The following DLG2 variants were observed in gnomAD, a reference collection of about 807,000 sequenced individuals.
DLG2 encodes the protein discs large MAGUK scaffold protein 2.
A neutral mutation model predicts 132.5 loss-of-function variants in DLG2; 45 were observed. The ratio of observed to expected loss-of-function variants is 0.34; its 90% CI spans 0.27 to 0.44. DLG2 has a LOEUF of 0.44. Ranked by LOEUF, DLG2 falls within the 20% of genes least tolerant of loss-of-function variation. The pLI is 1.00. For missense variants in DLG2, 1,045 were observed against 1,196.9 expected (o/e 0.87, Z 1.87); for synonymous variants, 424 against 419.6 (o/e 1.01, Z -0.13).
chr11:84,346,779 T>C (rs962879303), intron 7 of DLG2, among the ~76,000 whole-genome samples: 2 of 152,196 alleles, frequency 1.3e-5, no homozygotes, highest in Non-Finnish European at 2.9e-5. Context: ...GGTTTCACCA[T>C]GTTGGCCAGG....
At chr11:84,670,062 T>A (rs180843536) in intron 6 of DLG2, among the ~76,000 whole-genome samples, 70 of 152,220 alleles carry the variant, frequency 4.6e-4, no homozygotes, top group Admixed American at 3.9e-4. Context: ...AATGTATACA[T>A]AAGGACTGGA....
intron 16 of DLG2, among the ~76,000 whole-genome samples, chr11:83,837,723 C>CAAAAAAAAAAAAAAA (rs386374350): frequency 1.1e-4 from 5 of 45,944 alleles, no homozygotes; most frequent in African/African-American, 1.9e-4. Context: ...ACATAGCAAG[C>CAAAAAAAAAAAAAAA]AAAAAAAAAA....
chr11:84,916,377 A>AAAAAG (rs2092469360), intron 6 of DLG2, among the ~76,000 whole-genome samples: 1 of 148,718 alleles, frequency 6.7e-6, no homozygotes, highest in Non-Finnish European at 1.5e-5. Flanking sequence ...AAAAAAAAAA[A>AAAAAG]AAGAAGCAGT....
At chr11:83,464,391 C>G (rs2090623041) in intron 26 of DLG2, among the ~76,000 whole-genome samples, 2 of 152,214 alleles carry the variant, frequency 1.3e-5, no homozygotes, top group Non-Finnish European at 2.9e-5. Context: ...GCTGACCTAG[C>G]ATTCACTACT....
At chr11:83,721,707 G>C (rs971534091) in intron 18 of DLG2, among the ~76,000 whole-genome samples, 3 of 152,180 alleles carry the variant, frequency 2.0e-5, no homozygotes, top group African/African-American at 7.2e-5. Flanking sequence ...ATGCGACAAC[G>C]AATTATAGAA....
At chr11:84,690,148 GGA>G (rs1474595709) in intron 6 of DLG2, among the ~76,000 whole-genome samples, 1 of 151,830 alleles carries the variant, frequency 6.6e-6, no homozygotes, top group Non-Finnish European at 1.5e-5. Context: ...GATGGGAAAA[GGA>G]GAGATATTGA....
chr11:85,222,607 C>A (rs995261638), intron 4 of DLG2, among the ~76,000 whole-genome samples: 1 of 152,134 alleles, frequency 6.6e-6, no homozygotes, highest in Non-Finnish European at 1.5e-5. Flanking sequence ...TTAATTGGAC[C>A]AAGGTCCACA....
chr11:84,540,909 G>C lies in DLG2; in HGVS notation c.358-6178C>G, dbSNP rs2099367027. 2.6e-5 allele frequency among the ~76,000 whole-genome samples: 4 copies of C among 152,106 alleles called. No homozygotes were observed. In the South Asian group the frequency reaches 8.3e-4, roughly 32 times the overall value. ...CTTTGTAGGGACATGGATGAAGCTG[G>C]AAACCATCATTCTGAGCAAACTATC... On this transcript the variant is annotated intron_variant, in intron 6 of 27. Transcript: ENST00000376104.
intron 6 of DLG2, among the ~76,000 whole-genome samples, chr11:84,934,452 C>G (rs1187274740): frequency 7.1e-6 from 1 of 140,442 alleles, no homozygotes; most frequent in Non-Finnish European, 1.5e-5. Context: ...GTGATACCAG[C>G]TCTTCTTTGT....
chr11:85,318,088 A>G (rs1386121614), intron 3 of DLG2, among the ~76,000 whole-genome samples: 1 of 151,846 alleles, frequency 6.6e-6, no homozygotes, highest in African/African-American at 2.4e-5. Context: ...CTTCTCCTCT[A>G]GTATCCAAAG....
At chr11:84,363,212 T>C (rs2098661014) in intron 7 of DLG2, among the ~76,000 whole-genome samples, 1 of 152,094 alleles carries the variant, frequency 6.6e-6, no homozygotes, top group Non-Finnish European at 1.5e-5. Context: ...CTAACTGGTG[T>C]GATATGATAT....
intron 18 of DLG2, among the ~76,000 whole-genome samples, chr11:83,644,806 G>A (rs2067650259): frequency 6.6e-6 from 1 of 152,076 alleles, no homozygotes; most frequent in South Asian, 2.1e-4. Context: ...ATGAGAAAGT[G>A]AAGAACTCCC....
At chr11:84,180,774 A>G (rs191209471) in intron 8 of DLG2, among the ~76,000 whole-genome samples, 84 of 152,218 alleles carry the variant, frequency 5.5e-4, no homozygotes, top group Non-Finnish European at 8.8e-4. Flanking sequence ...GTGAAGTGAA[A>G]TATTGAAAGT....
At chr11:84,481,430 G>A (rs939721194) in intron 7 of DLG2, among the ~76,000 whole-genome samples, 14 of 152,014 alleles carry the variant, frequency 9.2e-5, no homozygotes, top group African/African-American at 3.4e-4. Context: ...TTCCTCTCTT[G>A]TCTTGCTTGG....
intron 7 of DLG2, among the ~76,000 whole-genome samples, chr11:84,463,594 C>A (rs2099086148): frequency 6.6e-6 from 1 of 151,132 alleles, no homozygotes; most frequent in African/African-American, 2.4e-5. Context: ...AAACTGCCCC[C>A]ACTATCTGGG....
intron 3 of DLG2, among the ~76,000 whole-genome samples, chr11:85,590,306 T>G (rs1194179730): frequency 6.6e-6 from 1 of 152,200 alleles, no homozygotes; most frequent in African/African-American, 2.4e-5. Flanking sequence ...GAGAGCAACA[T>G]GTAATCAATA....
intron 6 of DLG2, among the ~76,000 whole-genome samples, chr11:84,571,383 CCTTT>C (rs748878946): frequency 7.2e-5 from 11 of 151,962 alleles, no homozygotes; most frequent in Admixed American, 2.0e-4. Context: ...TCCTCCTCCT[CCTTT>C]ATCTTTTCCT....
chr11:83,788,091 C>T (rs961456575), intron 17 of DLG2, among the ~76,000 whole-genome samples: 1 of 152,054 alleles, frequency 6.6e-6, no homozygotes, highest in African/African-American at 2.4e-5. Flanking sequence ...TTGATATGGG[C>T]TATGAAAGAA....
intron 9 of DLG2, among the ~76,000 whole-genome samples, chr11:84,132,203 G>T (rs572694899): frequency 1.6e-4 from 25 of 151,984 alleles, no homozygotes; most frequent in African/African-American, 5.8e-4. Flanking sequence ...AATTATCAAA[G>T]AATTTAGTAT....
Sources: gnomAD v4.1 joint callset for allele counts (sites outside exome capture counted in the v4.1 genomes callset) on GRCh38, gnomAD v4.1.1 for gene constraint, MANE v1.5 for transcripts, NCBI Gene and HGNC (gene_info 2026-07-23, HGNC 2026-07-21) for gene names.